The following SORCS1 variants were observed in gnomAD, a reference collection of about 807,000 sequenced individuals.
SORCS1 encodes VPS10 domain-containing receptor SorCS1.
SORCS1 carries 60 observed loss-of-function variants against 146.1 expected under a neutral mutation model. The observed-to-expected ratio is 0.41, with a 90% CI of 0.33 to 0.51. The LOEUF (loss-of-function observed/expected upper bound fraction) is 0.51, where lower values mean the gene tolerates loss of function less well. Among genes scored for constraint, SORCS1 ranks in the 20% least tolerant of loss-of-function variants. SORCS1 has a pLI of 0.21. For missense variants in SORCS1, 1,352 were observed against 1,487.6 expected, an observed-to-expected ratio of 0.91 and a Z score of 1.50; for synonymous variants, 637 against 584.0, an observed-to-expected ratio of 1.09 and a Z score of -1.31.
chr10:106,892,480 T>C (rs934826004), intron 2 of SORCS1, among the ~76,000 whole-genome samples: 23 of 152,220 alleles, frequency 1.5e-4, no homozygotes, highest in African/African-American at 5.3e-4. Context: ...GGTAGGCACT[T>C]ACCAAACTTT....
At chr10:106,759,837 A>T (rs1858939492) in intron 5 of SORCS1, among the ~76,000 whole-genome samples, 1 of 152,160 alleles carries the variant, frequency 6.6e-6, no homozygotes, top group Non-Finnish European at 1.5e-5. Flanking sequence ...TAGGCATAAG[A>T]TTTACCTCCA....
intron 1 of SORCS1, among the ~76,000 whole-genome samples, chr10:107,065,124 T>C (rs1961617379): frequency 6.6e-6 from 1 of 152,142 alleles, no homozygotes; most frequent in Non-Finnish European, 1.5e-5. Flanking sequence ...GCCAAATGCA[T>C]TAATTGATTG....
chr10:106,873,137 G>C (rs2137599149), intron 2 of SORCS1, among the ~76,000 whole-genome samples: 1 of 152,170 alleles, frequency 6.6e-6, no homozygotes, highest in East Asian at 1.9e-4. Context: ...TTGCACCACT[G>C]CACTCCAGCC....
intron 2 of SORCS1, among the ~76,000 whole-genome samples, chr10:106,898,533 T>C (rs1951575945): frequency 6.6e-6 from 1 of 152,156 alleles, no homozygotes; most frequent in African/African-American, 2.4e-5. Context: ...CCTCCCAGCA[T>C]CAAACAAATG....
At chr10:106,931,925 C>T (rs892438791) in intron 2 of SORCS1, among the ~76,000 whole-genome samples, 2 of 152,162 alleles carry the variant, frequency 1.3e-5, no homozygotes, top group African/African-American at 4.8e-5. Flanking sequence ...GCTGGTCATA[C>T]ATGCTAGTAA....
At chr10:106,704,538 A>T (rs529118458) in intron 8 of SORCS1, among the ~76,000 whole-genome samples, 1 of 152,214 alleles carries the variant, frequency 6.6e-6, no homozygotes, top group South Asian at 2.1e-4. Flanking sequence ...AAAAATACAA[A>T]AATTAGCCAG....
At chr10:107,169,163 G>T (rs1393979018), upstream of SORCS1, among the ~76,000 whole-genome samples, 2 of 152,104 alleles carry the variant, frequency 1.3e-5, no homozygotes, top group Non-Finnish European at 2.9e-5. Context: ...TTTGGCTTCA[G>T]TTTGCACTAA....
At chr10:106,726,540 C>T (rs1018768911) in intron 6 of SORCS1, among the ~76,000 whole-genome samples, 1 of 151,868 alleles carries the variant, frequency 6.6e-6, no homozygotes, top group Non-Finnish European at 1.5e-5. Flanking sequence ...GAGTGATGGC[C>T]TCATTGTTTT....
At chr10:107,134,482 CA>C (rs1361491927) in intron 1 of SORCS1, among the ~76,000 whole-genome samples, 1 of 151,930 alleles carries the variant, frequency 6.6e-6, no homozygotes, top group Non-Finnish European at 1.5e-5. Flanking sequence ...ACTAAAAATA[CA>C]AAAAAATTAT....
At chr10:106,736,186 G>A (rs1208439060) in intron 5 of SORCS1, among the ~76,000 whole-genome samples, 7 of 152,148 alleles carry the variant, frequency 4.6e-5, no homozygotes, top group Non-Finnish European at 1.0e-4. Flanking sequence ...TCATTCGCCT[G>A]GCATTTTGTC....
chr10:106,613,916 C>CCCT (rs1847180609), intron 21 of SORCS1, among the ~76,000 whole-genome samples: 1 of 152,182 alleles, frequency 6.6e-6, no homozygotes, highest in Non-Finnish European at 1.5e-5. Flanking sequence ...TAGCAAACTC[C>CCCT]CCTCTCATCA....
At chr10:106,704,411 G>A (rs945905893) in intron 8 of SORCS1, among the ~76,000 whole-genome samples, 6 of 152,072 alleles carry the variant, frequency 3.9e-5, no homozygotes, top group African/African-American at 1.5e-4. Context: ...TTTATTACCG[G>A]CCAGGCTCAG....
Position 106,960,509 on chromosome 10 carries a change from A to C in SORCS1, c.559-3929T>G, listed in dbSNP as rs1238277363. Among the ~76,000 whole-genome samples the C allele has an allele frequency of 6.6e-6, 1 of 151,876 alleles. No homozygotes were observed. Among genetic ancestry groups the C allele is most frequent in the Non-Finnish European group, 1.5e-5 (1 of 67,960 alleles). On this transcript the variant is annotated intron_variant, in intron 1 of 25. Transcript: ENST00000263054. The surrounding 1 kb of genome is among the most constrained non-coding windows in gnomAD (Gnocchi z 4.4). ...AACCTCCGCCTCACAGGTTCAAGCA[A>C]TTCTCCTGCCTCAGCCTCCCGAGTA... is the stretch of plus-strand genomic sequence containing the variant.
At chr10:106,981,613 C>A (rs553909331) in intron 1 of SORCS1, among the ~76,000 whole-genome samples, 1 of 152,254 alleles carries the variant, frequency 6.6e-6, no homozygotes, top group East Asian at 1.9e-4. Flanking sequence ...CCCTTGGGTA[C>A]TTATAATCTC....
chr10:106,660,581 T>G (rs1263480400), intron 17 of SORCS1, among the ~76,000 whole-genome samples: 2 of 152,246 alleles, frequency 1.3e-5, no homozygotes, highest in Non-Finnish European at 1.5e-5. Flanking sequence ...TATTTTTTCT[T>G]GGACCCACTG....
chr10:107,131,076 G>T (rs1966863346), intron 1 of SORCS1, among the ~76,000 whole-genome samples: 1 of 152,160 alleles, frequency 6.6e-6, no homozygotes, highest in Non-Finnish European at 1.5e-5. Context: ...AAGCCTCCTT[G>T]TTGCAAACAC....
intron 16 of SORCS1, among the ~76,000 whole-genome samples, chr10:106,668,137 C>T (rs533165353): frequency 5.9e-5 from 9 of 152,084 alleles, no homozygotes; most frequent in East Asian, 1.9e-4. Flanking sequence ...AATGAGAAAA[C>T]GGGTGTGGTG....
At chr10:106,938,886 C>T (rs931488325) in intron 2 of SORCS1, among the ~76,000 whole-genome samples, 9 of 152,164 alleles carry the variant, frequency 5.9e-5, no homozygotes, top group East Asian at 5.8e-4. Flanking sequence ...TTATTGTAGG[C>T]TGGGACATCC....
At chr10:106,725,781 AT>A (rs1321399495) in intron 6 of SORCS1, among the ~76,000 whole-genome samples, 1 of 151,384 alleles carries the variant, frequency 6.6e-6, no homozygotes, top group East Asian at 2.0e-4. Context: ...AAATACAAAA[AT>A]TAGCCTGGTG....
Sources: gnomAD v4.1 joint callset for allele counts (sites outside exome capture counted in the v4.1 genomes callset) on GRCh38, gnomAD v4.1.1 for gene constraint, Gnocchi (gnomAD v3.1) non-coding constraint, MANE v1.5 for transcripts, NCBI Gene and HGNC (gene_info 2026-07-23, HGNC 2026-07-21) for gene names.